Variants in PTPRR observed in about 807,000 individuals in gnomAD.
The protein encoded by PTPRR is protein tyrosine phosphatase receptor type R, also known as receptor-type tyrosine-protein phosphatase R.
A neutral mutation model predicts 77.2 loss-of-function variants in PTPRR; 38 were observed. The ratio of observed to expected loss-of-function variants is 0.49; its 90% CI spans 0.38 to 0.65. The LOEUF (loss-of-function observed/expected upper bound fraction) is 0.65, where lower values mean the gene tolerates loss of function less well. PTPRR is among the 30% of genes least tolerant of loss of function. The pLI, the probability that PTPRR is intolerant of heterozygous loss-of-function variation, is 0.00. For synonymous variants in PTPRR, 299 were observed against 283.1 expected (o/e 1.06, Z -0.57); for missense variants, 744 against 799.2 (o/e 0.93, Z 0.83).
chr12:70,853,626 C>T (rs1459061497), intron 2 of PTPRR, among the ~76,000 whole-genome samples: 1 of 152,124 alleles, frequency 6.6e-6, no homozygotes, highest in Admixed American at 6.6e-5. Flanking sequence ...CGCAAATATG[C>T]TTTTGCTTCT....
intron 2 of PTPRR, among the ~76,000 whole-genome samples, chr12:70,873,047 A>T (rs1312417937): frequency 6.6e-6 from 1 of 152,026 alleles, no homozygotes; most frequent in Middle Eastern, 3.2e-3. Context: ...AAATGAATTC[A>T]GATGATCCAG....
At chr12:70,888,561 G>A (rs969083163) in intron 2 of PTPRR, among the ~76,000 whole-genome samples, 3 of 152,136 alleles carry the variant, frequency 2.0e-5, no homozygotes, top group Non-Finnish European at 4.4e-5. Context: ...TGGGACAGGT[G>A]TTCTGGGACT....
At chr12:70,682,226 G>T (rs2136727600) in intron 10 of PTPRR, among the ~76,000 whole-genome samples, 2 of 150,906 alleles carry the variant, frequency 1.3e-5, no homozygotes, top group Admixed American at 1.3e-4. Context: ...TGTATTTTTA[G>T]TAGAGACGGG....
chr12:70,816,670 C>T (rs759116031), intron 2 of PTPRR, among the ~76,000 whole-genome samples: 8 of 151,868 alleles, frequency 5.3e-5, no homozygotes, highest in Non-Finnish European at 8.8e-5. Context: ...TGACCAAAAA[C>T]ATCCAGAAAC....
At chr12:70,879,595 G>C (rs1005441449) in intron 2 of PTPRR, among the ~76,000 whole-genome samples, 2 of 152,142 alleles carry the variant, frequency 1.3e-5, no homozygotes, top group Admixed American at 1.3e-4. Context: ...GTTGGGGCTT[G>C]CTGAGCAATG....
At chr12:70,708,027 A>G (rs1331258627) in intron 6 of PTPRR, among the ~76,000 whole-genome samples, 1 of 152,000 alleles carries the variant, frequency 6.6e-6, no homozygotes, top group Non-Finnish European at 1.5e-5. Flanking sequence ...TCTGTTCTCT[A>G]TGCCTCAAAT....
chr12:70,658,883 G>GTTTTTTTTTTTTTTTTTTTTTTTT lies in PTPRR; in HGVS notation c.1766+2033_1766+2056dup, dbSNP rs746595856. Among the ~76,000 whole-genome samples the GTTTTTTTTTTTTTTTTTTTTTTTT allele has an allele frequency of 4.1e-4, 15 of 36,926 alleles. 3 individuals are homozygous for GTTTTTTTTTTTTTTTTTTTTTTTT. Among genetic ancestry groups the GTTTTTTTTTTTTTTTTTTTTTTTT allele is most frequent in the Non-Finnish European group, 5.8e-4 (12 of 20,630 alleles). The allele number at this position is 36,926 out of a possible 152,430, so 24.2% of individuals were successfully genotyped here. On this transcript the variant is annotated intron_variant, in intron 12 of 13. Transcript: ENST00000283228. ...TTCAACGTTAGGGACTTTTGCTCTA[G>GTTTTTTTTTTTTTTTTTTTTTTTT]TTTTTTTTTTTTTTTTTTTTTTTTT...
chr12:70,685,031 C>G lies in PTPRR; in HGVS notation c.1280-248G>C, dbSNP rs17814428. 1.0e-2 allele frequency: 3,150 copies of G among 315,742 alleles called. 32 individuals are homozygous for G. The highest frequency in any genetic ancestry group is 0.019 in the South Asian group (210 of 11,070). The allele number at this position is 315,742 out of a possible 1,614,324, so 19.6% of individuals were successfully genotyped here. A position where few individuals can be genotyped will look rare whatever the true frequency, so the allele number is the denominator to read the frequency against. ...GTTTATATTTCAGGCCATTTCTCAT[C>G]TGTTCCGGTTCTCGACCTCATTTCT... On this transcript the variant is annotated intron_variant, in intron 8 of 13. Transcript: ENST00000283228.
At chr12:70,878,870 G>C (rs1379025289) in intron 2 of PTPRR, among the ~76,000 whole-genome samples, 2 of 152,162 alleles carry the variant, frequency 1.3e-5, no homozygotes, top group Non-Finnish European at 2.9e-5. Context: ...ATCAATCATA[G>C]ACTGGATTAA....
intron 2 of PTPRR, among the ~76,000 whole-genome samples, chr12:70,820,606 T>A (rs1381988849): frequency 6.6e-6 from 1 of 152,246 alleles, no homozygotes; most frequent in African/African-American, 2.4e-5. Flanking sequence ...GTGCTGGGAT[T>A]ACAGGCGTGA....
At chr12:70,773,649 T>C (rs1029524265) in intron 2 of PTPRR, among the ~76,000 whole-genome samples, 2 of 152,124 alleles carry the variant, frequency 1.3e-5, no homozygotes, top group African/African-American at 4.8e-5. Flanking sequence ...CAATTTGAAA[T>C]AGATCTTTCT....
At chr12:70,755,067 A>AT (rs776093180) in intron 4 of PTPRR, among the ~76,000 whole-genome samples, 32 of 152,082 alleles carry the variant, frequency 2.1e-4, no homozygotes, top group Non-Finnish European at 4.3e-4. Context: ...TATTTTATTA[A>AT]TTTTTTTAAA....
intron 10 of PTPRR, among the ~76,000 whole-genome samples, chr12:70,676,859 C>CTTT (rs60254808): frequency 7.2e-6 from 1 of 139,766 alleles, no homozygotes; most frequent in African/African-American, 2.6e-5. Context: ...ATGCCTCCAG[C>CTTT]TTTTTTTTTT....
intron 5 of PTPRR, among the ~76,000 whole-genome samples, chr12:70,753,186 T>C (rs1890456407): frequency 6.6e-6 from 1 of 152,166 alleles, no homozygotes; most frequent in African/African-American, 2.4e-5. Context: ...TCCTCTAAGT[T>C]TAGCCCATGC....
Position 70,742,210 on chromosome 12 carries a change from C to T in PTPRR, c.1007+3608G>A, listed in dbSNP as rs192621817. 4.4e-3 allele frequency among the ~76,000 whole-genome samples: 666 copies of T among 152,146 alleles called. 4 individuals are homozygous for T. Among genetic ancestry groups the T allele is most frequent in the Non-Finnish European group, 4.8e-3 (325 of 67,980 alleles). ...AGTCTCCTTAAAACGTAGAGGAAACCCTAGGAAACCAGAAGTAGGTTAGAT... is the reference window on the plus strand; with the variant it reads ...AGTCTCCTTAAAACGTAGAGGAAACTCTAGGAAACCAGAAGTAGGTTAGAT... On this transcript the variant is annotated intron_variant, in intron 6 of 13. Transcript: ENST00000283228.
intron 2 of PTPRR, among the ~76,000 whole-genome samples, chr12:70,859,766 C>T (rs1459549451): frequency 6.6e-6 from 1 of 151,962 alleles, no homozygotes; most frequent in African/African-American, 2.4e-5. Flanking sequence ...ACTGGGTAAA[C>T]ACGGACTTCT....
chr12:70,767,308 G>A (rs1178073770), intron 2 of PTPRR, among the ~76,000 whole-genome samples: 1 of 151,370 alleles, frequency 6.6e-6, no homozygotes, highest in Non-Finnish European at 1.5e-5. Context: ...CAAAATAAAG[G>A]GATGGAGGAA....
chr12:70,684,749 A>AT lies in PTPRR; in HGVS notation c.1313dup (p.Asn438LysfsTer11), dbSNP rs1424153094. On this transcript the variant is annotated frameshift_variant, in exon 9 of 14. Transcript: ENST00000283228. LOFTEE classifies it high-confidence loss of function. The stretch of plus-strand genomic sequence containing the variant: ...TGTAGGTGCTCAATGAATCGGTTAC[A>AT]TTTTTTGGTCTTAAACACACTCTGC... 1.2e-6 allele frequency: 2 copies of AT among 1,607,642 alleles called. No homozygotes were observed. The highest frequency in any genetic ancestry group is 1.7e-6 in the Non-Finnish European group (2 of 1,175,480).
chr12:70,830,855 T>A (rs995862596), intron 2 of PTPRR, among the ~76,000 whole-genome samples: 54 of 152,328 alleles, frequency 3.5e-4, no homozygotes, highest in African/African-American at 1.2e-3. Context: ...ATGAAATATC[T>A]TACACTTTTT....
Sources: allele counts gnomAD v4.1 joint callset (sites outside exome capture counted in the v4.1 genomes callset), GRCh38; gene constraint gnomAD v4.1.1; transcripts MANE v1.5; gene names NCBI Gene and HGNC (gene_info 2026-07-23, HGNC 2026-07-21).